ERBIN: variants seen among roughly 807,000 people sequenced by gnomAD.
ERBIN encodes the protein erbb2 interacting protein, also known as densin-180-like protein.
Under a neutral mutation model 158.4 loss-of-function variants are expected in ERBIN, and 60 were observed. The observed-to-expected ratio is 0.38, with a 90% CI of 0.31 to 0.47. ERBIN has a LOEUF of 0.47. ERBIN is among the 20% of genes least tolerant of loss of function. The pLI is 0.99. For synonymous variants in ERBIN, 594 were observed against 557.2 expected (o/e 1.07, Z -0.93); for missense variants, 1,610 against 1,648.0 (o/e 0.98, Z 0.40).
chr5:66,018,480 T>TATAATATATATTATATTATATAA (rs1491284373), intron 7 of ERBIN, among the ~76,000 whole-genome samples: 3 of 5,498 alleles, frequency 5.5e-4, no homozygotes, highest in Non-Finnish European at 9.9e-4. Context: ...ATATTATATA[T>TATAATATATATTATATTATATAA]TATATATTAT....
chr5:66,059,026 T>C (rs1177624148), intron 21 of ERBIN, among the ~76,000 whole-genome samples: 1 of 152,194 alleles, frequency 6.6e-6, no homozygotes, highest in African/African-American at 2.4e-5. Context: ...GCAGGCTCTT[T>C]TTTGGTTCCA....
At position 66,075,020 on chromosome 5, in the gene ERBIN, T is replaced by A. The variant is rs1308320075; in HGVS notation, c.3757-4T>A. On this transcript the variant is annotated splice_polypyrimidine_tract_variant and splice_region_variant and intron_variant, in intron 22 of 25. Transcript: ENST00000284037. ...CATTTTAAGATACTTCATGTTTTTC[T>A]TAGATGCCTTTGAGTAATGGACAGA... is the stretch of plus-strand genomic sequence containing the variant. 1 of 1,613,854 alleles carries A rather than the reference T, an allele frequency of 6.2e-7. No homozygotes were observed.
intron 22 of ERBIN, among the ~76,000 whole-genome samples, chr5:66,072,703 C>T (rs1474564953): frequency 3.3e-5 from 5 of 152,102 alleles, no homozygotes; most frequent in Non-Finnish European, 5.9e-5. Context: ...AATTAGAAAT[C>T]ATCTTGAAAG....
At chr5:66,044,826 C>T (rs1758261919) in intron 17 of ERBIN, among the ~76,000 whole-genome samples, 1 of 151,712 alleles carries the variant, frequency 6.6e-6, no homozygotes, top group Non-Finnish European at 1.5e-5. Context: ...CCTGTTATCC[C>T]AGCACTTTGG....
intron 1 of ERBIN, among the ~76,000 whole-genome samples, chr5:65,977,958 G>GGGGAGAAGGGAGA (rs1554051878): frequency 1.4e-4 from 21 of 145,856 alleles, no homozygotes; most frequent in Non-Finnish European, 2.6e-4. Context: ...GAGAGGGTTA[G>GGGGAGAAGGGAGA]GGGAGAGGGA....
intron 13 of ERBIN, among the ~76,000 whole-genome samples, 194 bp downstream of exon 13, chr5:66,026,611 G>A (rs562310113): frequency 6.6e-6 from 1 of 151,948 alleles, no homozygotes; most frequent in South Asian, 2.1e-4. Context: ...CACTTCTTTC[G>A]TTCATCAGTG....
At chr5:65,989,242 T>TA (rs1411384262) in intron 2 of ERBIN, among the ~76,000 whole-genome samples, 7 of 152,182 alleles carry the variant, frequency 4.6e-5, no homozygotes. Context: ...TGGATACTGT[T>TA]ACTCATTTAC....
intron 1 of ERBIN, among the ~76,000 whole-genome samples, chr5:65,966,405 G>C (rs879268823): frequency 6.6e-6 from 1 of 152,136 alleles, no homozygotes; most frequent in Admixed American, 6.5e-5. Context: ...GGTAGGCCGG[G>C]CATGGTAGCT....
chr5:65,998,964 A>G (rs546607396), intron 4 of ERBIN, among the ~76,000 whole-genome samples: 98 of 152,056 alleles, frequency 6.4e-4, no homozygotes, highest in African/African-American at 2.3e-3. Context: ...AAGAACACAC[A>G]TGGCTCCACC....
chr5:66,069,921 C>T (rs1030829624), intron 21 of ERBIN, among the ~76,000 whole-genome samples: 2 of 152,218 alleles, frequency 1.3e-5, no homozygotes, highest in Non-Finnish European at 2.9e-5. Context: ...TCTCTTGGCT[C>T]TGGCTGTACC....
intron 7 of ERBIN, among the ~76,000 whole-genome samples, chr5:66,016,637 G>T (rs1375216348): frequency 6.9e-6 from 1 of 143,968 alleles, no homozygotes; most frequent in Admixed American, 6.9e-5. Context: ...TTTTTGAGAC[G>T]GAGTCTCTCT....
At chr5:66,013,332 T>A (rs768481634) in intron 5 of ERBIN, among the ~76,000 whole-genome samples, 1 of 152,204 alleles carries the variant, frequency 6.6e-6, no homozygotes, top group Non-Finnish European at 1.5e-5. Context: ...AAAACAAATA[T>A]TACCTCATTT....
intron 1 of ERBIN, among the ~76,000 whole-genome samples, chr5:65,954,602 T>G (rs752389616): frequency 4.6e-5 from 7 of 152,212 alleles, no homozygotes; most frequent in South Asian, 2.1e-4. Flanking sequence ...GTTTCTTTTT[T>G]GTTAATTTGC....
At chr5:66,047,639 A>G (rs1304331198) in intron 18 of ERBIN, among the ~76,000 whole-genome samples, 2 of 152,016 alleles carry the variant, frequency 1.3e-5, no homozygotes, top group South Asian at 2.1e-4. Flanking sequence ...AAGTTAATAC[A>G]TCTTCATCCC....
chr5:66,053,034 A>G (rs1032729359), intron 20 of ERBIN, among the ~76,000 whole-genome samples: 2 of 152,194 alleles, frequency 1.3e-5, no homozygotes, highest in Admixed American at 1.3e-4. Context: ...GTTTCTCTCC[A>G]TATATCTGCC....
intron 1 of ERBIN, among the ~76,000 whole-genome samples, chr5:65,948,341 A>AT (rs77691090): frequency 0.015 from 2,234 of 144,148 alleles, 34 homozygotes; most frequent in Middle Eastern, 0.083. Context: ...TGACTGGCTA[A>AT]TTTTTTTTTT....
rs150296703 is a variant in ERBIN, at chr5:65,972,857, T to C, written c.-57-15778T>C. 2.9e-3 allele frequency among the ~76,000 whole-genome samples: 435 copies of C among 151,474 alleles called. 27 individuals are homozygous for C. Among genetic ancestry groups the C allele is most frequent in the African/African-American group, 0.01 (427 of 40,738 alleles). On this transcript the variant is annotated intron_variant, in intron 1 of 25. Transcript: ENST00000284037. ...GATCTAGCTTTCTTTGGAAGGTTTT[T>C]GGTGTTCCTAATCATTCCCAGCCTA...
intron 1 of ERBIN, among the ~76,000 whole-genome samples, chr5:65,969,403 G>C (rs1749011141): frequency 6.6e-6 from 1 of 152,202 alleles, no homozygotes; most frequent in Non-Finnish European, 1.5e-5. Flanking sequence ...ATATGGCTTT[G>C]TGTTGGACAT....
chr5:65,939,393 C>T (rs1331945910), intron 1 of ERBIN, among the ~76,000 whole-genome samples: 4 of 152,124 alleles, frequency 2.6e-5, no homozygotes, highest in Non-Finnish European at 4.4e-5. Context: ...GCCGAGGTTG[C>T]GCCACTGCAT....
Sources: allele counts gnomAD v4.1 joint callset (sites outside exome capture counted in the v4.1 genomes callset), GRCh38; gene constraint gnomAD v4.1.1; transcripts MANE v1.5; gene names NCBI Gene and HGNC (gene_info 2026-07-23, HGNC 2026-07-21).